DGKH: variants seen among roughly 807,000 people sequenced by gnomAD.
DGKH encodes DAG kinase eta.
DGKH carries 90 observed loss-of-function variants against 159.3 expected under a neutral mutation model. The ratio of observed to expected loss-of-function variants is 0.57; its 90% confidence interval spans 0.48 to 0.67. The LOEUF is 0.67. Among genes scored for constraint, DGKH ranks in the 30% least tolerant of loss-of-function variants. DGKH has a pLI of 0.00. For missense variants in DGKH, 1,181 were observed against 1,506.1 expected (o/e 0.78, Z 3.57); for synonymous variants, 536 against 553.8 (o/e 0.97, Z 0.45).
intron 1 of DGKH, among the ~76,000 whole-genome samples, chr13:42,090,554 C>T (rs960771765): frequency 5.3e-5 from 8 of 152,054 alleles, no homozygotes; most frequent in Non-Finnish European, 8.8e-5. Context: ...GACATATAGA[C>T]GAGTGGAATA....
chr13:42,161,677 G>A (rs1838184419), intron 7 of DGKH, among the ~76,000 whole-genome samples: 1 of 152,082 alleles, frequency 6.6e-6, no homozygotes, highest in South Asian at 2.1e-4. Context: ...CTACTCGGGA[G>A]GCTGAGGCAG....
At chr13:42,128,073 C>G (rs1384536880) in intron 2 of DGKH, among the ~76,000 whole-genome samples, 1 of 152,174 alleles carries the variant, frequency 6.6e-6, no homozygotes, top group African/African-American at 2.4e-5. Context: ...AGAAAATACA[C>G]ATCAAGAGCT....
chr13:42,183,288 T>TAA (rs5803120), intron 13 of DGKH, among the ~76,000 whole-genome samples: 43 of 144,590 alleles, frequency 3.0e-4, no homozygotes, highest in Non-Finnish European at 4.4e-4. Flanking sequence ...GATCCCGTCT[T>TAA]AAAAAAAAAA....
chr13:42,254,327 C>CCA lies in DGKH; in HGVS notation n.4127+1846_4127+1847insCA, dbSNP rs561699223. Reference sequence around the variant, plus strand: ...ATTTATTTTGTGGGATACAAAGCAGCTTAAAACAATGGATATATGGCCAGG... The same window carrying CCA: ...ATTTATTTTGTGGGATACAAAGCAGCCATTAAAACAATGGATATATGGCCAGG... On this transcript the variant is annotated intron_variant and non_coding_transcript_variant, in intron 30 of 30. Coordinates refer to the DGKH transcript ENST00000498255. Among the ~76,000 whole-genome samples the CCA allele has an allele frequency of 1.9e-3, 295 of 152,220 alleles. 1 individual carries two copies. The highest frequency in any genetic ancestry group is 0.011 in the South Asian group (55 of 4,830).
At chr13:42,064,607 G>A (rs1308822244) in intron 1 of DGKH, among the ~76,000 whole-genome samples, 1 of 152,110 alleles carries the variant, frequency 6.6e-6, no homozygotes, top group African/African-American at 2.4e-5. Context: ...GGAAGGAAGA[G>A]AAGACTGTTG....
At chr13:42,094,637 G>A (rs1470753669) in intron 1 of DGKH, among the ~76,000 whole-genome samples, 1 of 152,110 alleles carries the variant, frequency 6.6e-6, no homozygotes, top group Non-Finnish European at 1.5e-5. Context: ...AGAGCCAAAC[G>A]TACAACATTG....
At chr13:42,225,395 T>C in intron 29 of DGKH, 1 of 1,402,134 alleles carries the variant, frequency 7.1e-7, no homozygotes, top group South Asian at 1.3e-5. Flanking sequence ...GTTGTGTATG[T>C]ATGGCTGGAA....
upstream of DGKH, among the ~76,000 whole-genome samples, chr13:42,047,054 T>C (rs1291781446): frequency 6.6e-6 from 1 of 152,248 alleles, no homozygotes; most frequent in Non-Finnish European, 1.5e-5. Flanking sequence ...AAGAATTACA[T>C]ATTTGTAGAG....
chr13:42,131,812 A>T (rs1955296886), intron 3 of DGKH, among the ~76,000 whole-genome samples: 1 of 152,142 alleles, frequency 6.6e-6, no homozygotes, highest in Non-Finnish European at 1.5e-5. Context: ...GGGATTGTTA[A>T]CTCATCCATC....
At chr13:42,150,833 G>T (rs1239118091) in intron 3 of DGKH, among the ~76,000 whole-genome samples, 1 of 152,122 alleles carries the variant, frequency 6.6e-6, no homozygotes, top group Non-Finnish European at 1.5e-5. Context: ...CTTACAGAAT[G>T]AGTGGCACGT....
chr13:42,185,872 T>G (rs1956907583), intron 13 of DGKH, among the ~76,000 whole-genome samples: 1 of 152,146 alleles, frequency 6.6e-6, no homozygotes, highest in Admixed American at 6.6e-5. Flanking sequence ...AAATATTACC[T>G]TTTGTTCAAA....
intron 21 of DGKH, among the ~76,000 whole-genome samples, chr13:42,207,129 CCTTCCT>C (rs1957520343): frequency 7.0e-5 from 2 of 28,506 alleles, no homozygotes; most frequent in African/African-American, 1.3e-4. Context: ...CTCTCTCCTT[CCTTCCT>C]TCCTTCCTTC....
At chr13:42,047,794 G>A (rs1340851382), upstream of DGKH, among the ~76,000 whole-genome samples, 1 of 152,132 alleles carries the variant, frequency 6.6e-6, no homozygotes, top group African/African-American at 2.4e-5. Flanking sequence ...TGTTCGCATG[G>A]CTCGAGTGTA....
At chr13:42,134,558 C>T (rs1395771076) in intron 3 of DGKH, among the ~76,000 whole-genome samples, 1 of 152,124 alleles carries the variant, frequency 6.6e-6, no homozygotes, top group Non-Finnish European at 1.5e-5. Context: ...TCTTCTGCTC[C>T]AGGTCTTACA....
chr13:42,176,863 T>A (rs552773362), intron 12 of DGKH, among the ~76,000 whole-genome samples: 1 of 152,304 alleles, frequency 6.6e-6, no homozygotes, highest in Admixed American at 6.5e-5. Context: ...GCTCTGAATA[T>A]GAGGCTGTTT....
At chr13:42,092,885 C>A (rs1954447583) in intron 1 of DGKH, among the ~76,000 whole-genome samples, 1 of 151,944 alleles carries the variant, frequency 6.6e-6, no homozygotes, top group Non-Finnish European at 1.5e-5. Context: ...TATGATACAA[C>A]AATGCAAAAG....
chr13:42,199,567 G>C lies in DGKH; in HGVS notation c.2287G>C (p.Asp763His), dbSNP rs780463889. 6.4e-7 allele frequency: 1 copy of C among 1,574,454 alleles called. No individual in the cohort carries two copies. Among genetic ancestry groups the C allele is most frequent in the Non-Finnish European group, 8.6e-7 (1 of 1,161,878 alleles). ...ATGTACTTTTCCCTGTGATCATAGA[G>C]ATGGATATTCAGAAAAATGTGTCAT... is the stretch of plus-strand genomic sequence containing the variant. ...PFIDPDLDSV[D>H]GYSEKCVMNN... Residue 763 changes from aspartate to histidine, a missense_variant and splice_region_variant, in exon 19 of 30, where the codon GAT (aspartate) becomes CAT (histidine). This residue lies in a region of DGKH where 335 missense variants were observed against 495.2 expected (regional missense o/e 0.68). Coordinates refer to ENST00000337343, the MANE Select transcript of DGKH (RefSeq NM_178009.5).
At chr13:42,085,480 T>TCTGA (rs1163496511) in intron 1 of DGKH, among the ~76,000 whole-genome samples, 1 of 152,208 alleles carries the variant, frequency 6.6e-6, no homozygotes, top group Admixed American at 6.5e-5. Context: ...ATTTGAAGGT[T>TCTGA]CTGACCATTC....
At chr13:42,144,447 G>A (rs1325055636) in intron 3 of DGKH, among the ~76,000 whole-genome samples, 2 of 152,160 alleles carry the variant, frequency 1.3e-5, no homozygotes, top group East Asian at 3.9e-4. Flanking sequence ...AGCATGTTGG[G>A]AGGCCGAGGT....
Sources: gnomAD v4.1 joint callset for allele counts (sites outside exome capture counted in the v4.1 genomes callset) on GRCh38, gnomAD v4.1.1 for gene constraint, gnomAD v4.1.1 regional missense constraint, MANE v1.5 for transcripts, NCBI Gene and HGNC (gene_info 2026-07-23, HGNC 2026-07-21) for gene names.